CKB: variants seen among roughly 807,000 people sequenced by gnomAD.
CKB encodes the protein creatine kinase B.
A neutral mutation model predicts 36.9 loss-of-function variants in CKB; 15 were observed. The observed-to-expected ratio is 0.41, with a 90% CI of 0.27 to 0.63. CKB has a LOEUF of 0.63. Among genes scored for constraint, CKB ranks in the 20% least tolerant of loss-of-function variants. CKB has a pLI of 0.34. For synonymous variants in CKB, 250 were observed against 228.2 expected (o/e 1.10, Z -0.86); for missense variants, 413 against 534.9 (o/e 0.77, Z 2.25).
Position 103,521,896 on chromosome 14 carries a change from G to A in CKB, c.403C>T (p.Arg135Cys). 1 of 1,573,052 alleles carries A rather than the reference G, an allele frequency of 6.4e-7. No individual in the cohort carries two copies. The highest frequency in any genetic ancestry group is 8.6e-7 in the Non-Finnish European group (1 of 1,169,202). ...GGGAGGCAGAAGCCACGGATGCTGC[G>A]GCCCGTGCGCACCCGCGAGCTCAGC... ...YVLSSRVRTGRSIRGFCLPPH... is the reference protein window; with the variant it reads ...YVLSSRVRTGCSIRGFCLPPH... Residue 135 changes from arginine to cysteine, a missense_variant, in exon 4 of 8, where the codon CGC (arginine) becomes TGC (cysteine). Arg to Cys is a radical substitution (Grantham distance 180, BLOSUM62 -3). Coordinates refer to ENST00000348956, the MANE Select transcript of CKB (RefSeq NM_001823.5).
At position 103,521,949 on chromosome 14, in the gene CKB, C is replaced by T; in HGVS notation, c.350G>A (p.Gly117Asp). 2 of 1,573,044 alleles carry T rather than the reference C, an allele frequency of 1.3e-6. No homozygotes were observed. Among genetic ancestry groups the T allele is most frequent in the Non-Finnish European group, 8.6e-7 (1 of 1,165,490 alleles). Residue 117 changes from glycine to aspartate, a missense_variant and splice_region_variant, in exon 4 of 8, where the codon GGC becomes GAC. Physicochemically the swap from Gly to Asp is moderately conservative, Grantham distance 94 (BLOSUM62 -1). Transcript: ENST00000348956. Reference protein sequence around the residue: ...KTDLNPDNLQGGDDLDPNYVL... With the variant: ...KTDLNPDNLQDGDDLDPNYVL... Reference sequence around the variant, plus strand: ...GTAGTTGGGGTCCAGGTCGTCGCCGCCCTGGGAGGCGAGACGGGAGTGAGC... The same window carrying T: ...GTAGTTGGGGTCCAGGTCGTCGCCGTCCTGGGAGGCGAGACGGGAGTGAGC...
At position 103,521,441 on chromosome 14, in the gene CKB, G is replaced by C; in HGVS notation, c.482-7C>G. ...CCGTCCAGGCTGGACAGGGCTGCGA[G>C]GGGTGCGCTCAGGACGCTCGGCTCC... On this transcript the variant is annotated splice_region_variant and splice_polypyrimidine_tract_variant and intron_variant, in intron 4 of 7. Coordinates refer to ENST00000348956, the MANE Select transcript of CKB (RefSeq NM_001823.5). The C allele has an allele frequency of 6.3e-7, 1 of 1,583,452 alleles. No individual in the cohort carries two copies. Among genetic ancestry groups the C allele is most frequent in the South Asian group, 1.1e-5 (1 of 88,788 alleles).
At position 103,522,572 on chromosome 14, in the gene CKB, A is replaced by G; in HGVS notation, c.-12-67T>C. Reference sequence around the variant, plus strand: ...GTTCCCGGGCTCCCGCGTACCACTCAGGCCCCCGCCGCCGGGCCCCCCGGC... The same window carrying G: ...GTTCCCGGGCTCCCGCGTACCACTCGGGCCCCCGCCGCCGGGCCCCCCGGC... On this transcript the variant is annotated intron_variant, in intron 1 of 7. Transcript: ENST00000348956. The surrounding 1 kb of genome is among the most constrained non-coding windows in gnomAD (Gnocchi z 6.7). 2.3e-6 allele frequency: 1 copy of G among 438,370 alleles called. No homozygotes were observed. The highest frequency in any genetic ancestry group is 3.4e-6 in the Non-Finnish European group (1 of 295,416). 27.2% of individuals were successfully genotyped at this position (438,370 alleles called of 1,614,324 possible).
chr14:103,519,668 G>T lies in CKB; in HGVS notation c.*196C>A. On this transcript the variant is annotated 3_prime_UTR_variant, in exon 8 of 8. Coordinates refer to ENST00000348956, the MANE Select transcript of CKB (RefSeq NM_001823.5). ...AAGGAGAGGCACCACTCAGACGCAG[G>T]CAGGCCAAAACCCTAGTTTATTTCA... is the stretch of plus-strand genomic sequence containing the variant. The T allele has an allele frequency of 1.7e-6, 1 of 594,828 alleles. No individual in the cohort carries two copies. Among genetic ancestry groups the T allele is most frequent in the Non-Finnish European group, 2.7e-6 (1 of 366,900 alleles). The allele number at this position is 594,828 out of a possible 1,614,324, so 36.8% of individuals were successfully genotyped here. A position where few individuals can be genotyped will look rare whatever the true frequency, so the allele number is the denominator to read the frequency against.
chr14:103,521,101 G>A (rs947146408), intron 5 of CKB, 162 bp downstream of exon 5: 7 of 892,980 alleles, frequency 7.8e-6, no homozygotes, highest in African/African-American at 1.6e-5. Context: ...CGGCGCAGGA[G>A]GAGGCGCGGC....
chr14:103,520,916 A>G (rs1358217273), intron 5 of CKB, among the ~76,000 whole-genome samples: 1 of 151,952 alleles, frequency 6.6e-6, no homozygotes, highest in East Asian at 1.9e-4. Flanking sequence ...GTAGAATCCC[A>G]GCGGCGGAGG....
At position 103,520,575 on chromosome 14, in the gene CKB, G is replaced by A; in HGVS notation, c.671C>T (p.Thr224Ile). ...CTCCTCGTTGACCCACACCAGGAAG[G>A]TCTTATTGTCATTGTGCCTGCGGGA... ...ARGIWHNDNK[T>I]FLVWVNEEDH... The change falls in exon 6 of 8, where the codon ACC becomes ATC. Residue 224 changes from threonine (T) to isoleucine (I), a missense_variant. Transcript: ENST00000348956. The A allele has an allele frequency of 6.2e-7, 1 of 1,612,862 alleles. No homozygotes were observed. The highest frequency in any genetic ancestry group is 8.5e-7 in the Non-Finnish European group (1 of 1,179,672).
chr14:103,519,872 G>A lies in CKB; in HGVS notation c.1138C>T (p.Gln380Ter). The A allele has an allele frequency of 3.1e-6, 5 of 1,603,134 alleles. No homozygotes were observed. Among genetic ancestry groups the A allele is most frequent in the Non-Finnish European group, 4.2e-6 (5 of 1,178,696 alleles). ...GQAIDDLMPAQK is the reference protein window; with the variant it reads ...GQAIDDLMPA ...CGGGTGTGGGCCGGGCTTCATTTCTGGGCAGGCATGAGGTCGTCGATGGCC... is the reference window on the plus strand; with the variant it reads ...CGGGTGTGGGCCGGGCTTCATTTCTAGGCAGGCATGAGGTCGTCGATGGCC... The change falls in exon 8 of 8, where the codon CAG (glutamine) becomes TAG (stop). Residue 380 changes from glutamine (Q) to a stop codon, truncating the protein, a stop_gained. Coordinates refer to ENST00000348956, the MANE Select transcript of CKB (RefSeq NM_001823.5). LOFTEE classifies it high-confidence loss of function.
At chr14:103,521,229 A>G in intron 5 of CKB, 34 bp downstream of exon 5, 1 of 1,549,604 alleles carries the variant, frequency 6.5e-7, no homozygotes, top group Non-Finnish European at 8.7e-7. Context: ...GCGGGGAGGG[A>G]GGACGCCGCG....
chr14:103,520,082 C>A (rs2075889452), intron 7 of CKB, 40 bp from the exon 8 acceptor site: 5 of 1,604,898 alleles, frequency 3.1e-6, no homozygotes, highest in Non-Finnish European at 4.3e-6. Flanking sequence ...AACAGGGCTG[C>A]CCAAAGGCCA....
At position 103,521,814 on chromosome 14, in the gene CKB, C is replaced by G; in HGVS notation, c.481+4G>C. 6.8e-7 allele frequency: 1 copy of G among 1,476,794 alleles called. No homozygotes were observed. Among genetic ancestry groups the G allele is most frequent in the South Asian group, 1.3e-5 (1 of 77,420 alleles). The allele number at this position is 1,476,794 out of a possible 1,614,324, so 91.5% of individuals were successfully genotyped here. On this transcript the variant is annotated splice_donor_region_variant and intron_variant, in intron 4 of 7. Coordinates refer to ENST00000348956, the MANE Select transcript of CKB (RefSeq NM_001823.5). Reference sequence around the variant, plus strand: ...CGCCGCCCCTCGGCCCGCCCGGCCCCTACCTTCCACCGCGAGCTTCTCGAT... The same window carrying G: ...CGCCGCCCCTCGGCCCGCCCGGCCCGTACCTTCCACCGCGAGCTTCTCGAT...
At position 103,519,986 on chromosome 14, in the gene CKB, G is replaced by A; in HGVS notation, c.1024C>T (p.Leu342=). 1 of 1,611,098 alleles carries A rather than the reference G, an allele frequency of 6.2e-7. No individual in the cohort carries two copies. The highest frequency in any genetic ancestry group is 1.3e-5 in the African/African-American group (1 of 75,038). Residue 342 remains leucine (L), a synonymous_variant, in exon 8 of 8, where the codon CTG becomes TTG. Coordinates refer to ENST00000348956, the MANE Select transcript of CKB (RefSeq NM_001823.5). ...ACCAGCTCCACCTCTGAGAAGCCCA[G>A]GCGGTCAGCGTTGGAGACGTCGAAG... is the stretch of plus-strand genomic sequence containing the variant. ...GVFDVSNADR[L]GFSEVELVQM...
chr14:103,521,171 G>C, intron 5 of CKB, 92 bp downstream of exon 5: 3 of 1,446,622 alleles, frequency 2.1e-6, no homozygotes, highest in Admixed American at 4.1e-5. Flanking sequence ...CCTCCTCGCC[G>C]CGAGGGGCCC....
rs1404453112 is a variant in CKB, at chr14:103,522,322, G to A, written c.172C>T (p.Gln58Ter). ...PSGFTLDDVIQTGVDNPGHPY... is the reference protein window; with the variant it reads ...PSGFTLDDVI ...GTACCCGGGTTGTCCACGCCTGTCT[G>A]GATGACGTCGTCCAGCGTGAAGCCG... Residue 58 changes from glutamine to a stop codon, truncating the protein, a stop_gained, in exon 2 of 8, where the codon CAG becomes TAG. Transcript: ENST00000348956. LOFTEE classifies it high-confidence loss of function. The surrounding 1 kb of genome is among the most constrained non-coding windows in gnomAD (Gnocchi z 6.7). 6.2e-7 allele frequency: 1 copy of A among 1,608,266 alleles called. No homozygotes were observed. The highest frequency in any genetic ancestry group is 8.5e-7 in the Non-Finnish European group (1 of 1,178,980).
Position 103,522,014 on chromosome 14 carries a change from G to A in CKB, c.348+9C>T. The A allele has an allele frequency of 7.1e-7, 1 of 1,405,860 alleles. No homozygotes were observed. The allele number at this position is 1,405,860 out of a possible 1,614,324, so 87.1% of individuals were successfully genotyped here. A position where few individuals can be genotyped will look rare whatever the true frequency, so the allele number is the denominator to read the frequency against. ...GCCCCGCCCGCCCGGCCCGCCCGCA[G>A]CCCCGCACCTGCAGGTTGTCGGGGT... On this transcript the variant is annotated intron_variant, in intron 3 of 7. Coordinates refer to ENST00000348956, the MANE Select transcript of CKB (RefSeq NM_001823.5). This position sits in a 1 kb window ranked among gnomAD's most constrained non-coding sequence, Gnocchi z 6.7.
intron 5 of CKB, 193 bp from the exon 6 acceptor site, chr14:103,520,785 C>A: frequency 1.3e-6 from 1 of 775,126 alleles, no homozygotes; most frequent in Non-Finnish European, 2.0e-6. Flanking sequence ...ACCCCAGCTG[C>A]CATCATGCGC....
At position 103,522,330 on chromosome 14, in the gene CKB, TC is replaced by T; in HGVS notation, c.163del (p.Asp55ThrfsTer16). 1.9e-6 allele frequency: 3 copies of T among 1,609,004 alleles called. No homozygotes were observed. The highest frequency in any genetic ancestry group is 2.5e-6 in the Non-Finnish European group (3 of 1,179,048). The stretch of plus-strand genomic sequence containing the variant: ...GTTGTCCACGCCTGTCTGGATGACG[TC>T]GTCCAGCGTGAAGCCGCTCGGCGTG... ...KSTPSGFTLD[D>X]VIQTGVDNPG... is the part of the protein sequence containing the mutation. On this transcript the variant is annotated frameshift_variant, in exon 2 of 8. Coordinates refer to ENST00000348956, the MANE Select transcript of CKB (RefSeq NM_001823.5). LOFTEE classifies it high-confidence loss of function. The surrounding 1 kb of genome is among the most constrained non-coding windows in gnomAD (Gnocchi z 6.7).
At chr14:103,521,220 C>G (rs776553779) in intron 5 of CKB, 43 bp downstream of exon 5, 16 of 1,537,916 alleles carry the variant, frequency 1.0e-5, no homozygotes, top group Non-Finnish European at 1.4e-5. Context: ...GCGGAGGTAG[C>G]GGGGAGGGAG....
chr14:103,521,522 G>A (rs2075901120), intron 4 of CKB, 88 bp from the exon 5 acceptor site: 3 of 1,267,688 alleles, frequency 2.4e-6, no homozygotes, highest in Admixed American at 7.3e-5. Context: ...GCCCCACCTC[G>A]GGGGACGTCA....
Sources: allele counts gnomAD v4.1 joint callset (sites outside exome capture counted in the v4.1 genomes callset), GRCh38; gene constraint gnomAD v4.1.1; non-coding constraint Gnocchi (gnomAD v3.1); transcripts MANE v1.5; gene names NCBI Gene and HGNC (gene_info 2026-07-23, HGNC 2026-07-21).